DIAPH2: variants seen among roughly 807,000 people sequenced by gnomAD.
DIAPH2 encodes the protein protein diaphanous homolog 2.
A neutral mutation model predicts 92.7 loss-of-function variants in DIAPH2; 35 were observed. The ratio of observed to expected loss-of-function variants is 0.38; its 90% CI spans 0.29 to 0.50. The LOEUF (loss-of-function observed/expected upper bound fraction) is 0.50. Among genes scored for constraint, DIAPH2 ranks in the 20% least tolerant of loss-of-function variants. The pLI, the probability that DIAPH2 is intolerant of heterozygous loss-of-function variation, is 0.94. For synonymous variants in DIAPH2, 301 were observed against 280.4 expected (o/e 1.07, Z -0.73); for missense variants, 701 against 819.5 (o/e 0.86, Z 1.77).
At chrX:97,589,006 TATATATATATATATATATATAA>T (rs1383358386) in intron 26 of DIAPH2, among the ~76,000 whole-genome samples, 1 of 69,787 alleles carries the variant, frequency 1.4e-5, no homozygotes, top group African/African-American at 4.6e-5. Context: ...AATATATATA[TATATATATATATATATATATAA>T]AAGAATCAGA....
At chrX:96,720,118 T>C (rs991178806) in intron 1 of DIAPH2, among the ~76,000 whole-genome samples, 4 of 111,909 alleles carry the variant, frequency 3.6e-5, no homozygotes, top group African/African-American at 1.3e-4. Flanking sequence ...GCTTAATAGT[T>C]ATTTGGCAAT....
chrX:97,061,264 C>G, intron 17 of DIAPH2, among the ~76,000 whole-genome samples: 1 of 111,755 alleles, frequency 8.9e-6, no homozygotes, highest in Non-Finnish European at 1.9e-5. Flanking sequence ...TGCTCTAAGG[C>G]CCACAAGCTT....
At chrX:96,765,290 C>T (rs1363839009) in intron 4 of DIAPH2, among the ~76,000 whole-genome samples, 2 of 106,507 alleles carry the variant, frequency 1.9e-5, no homozygotes, top group South Asian at 4.3e-4. Context: ...CTTGATCTCC[C>T]GGGCTCAAGC....
chrX:97,597,327 T>C (rs925616714), intron 26 of DIAPH2, among the ~76,000 whole-genome samples: 1 of 112,491 alleles, frequency 8.9e-6, no homozygotes, highest in South Asian at 3.7e-4. Context: ...GTCAGTTTGT[T>C]TTGACCCGAA....
chrX:97,236,022 A>G (rs746428078), intron 22 of DIAPH2, among the ~76,000 whole-genome samples: 1 of 112,035 alleles, frequency 8.9e-6, no homozygotes, highest in South Asian at 3.7e-4. Flanking sequence ...TATCCTTTGA[A>G]GCATCTTTTG....
intron 1 of DIAPH2, among the ~76,000 whole-genome samples, chrX:96,730,550 C>G (rs2064047734): frequency 8.9e-6 from 1 of 111,803 alleles, no homozygotes; most frequent in Non-Finnish European, 1.9e-5. Flanking sequence ...CCAGAGAAAT[C>G]AAACCCTGAA....
At chrX:97,514,682 G>A (rs1411692301) in intron 26 of DIAPH2, among the ~76,000 whole-genome samples, 3 of 108,993 alleles carry the variant, frequency 2.8e-5, no homozygotes, top group African/African-American at 9.9e-5. Context: ...GTACAGATGG[G>A]TTTTTGGTGT....
intron 15 of DIAPH2, among the ~76,000 whole-genome samples, chrX:96,949,609 G>A (rs961313276): frequency 9.5e-6 from 1 of 105,429 alleles, no homozygotes; most frequent in Non-Finnish European, 1.9e-5. Flanking sequence ...TTTGGGAGGC[G>A]GAAGCGGGCA....
At chrX:96,907,489 A>C (rs1203818450) in intron 5 of DIAPH2, among the ~76,000 whole-genome samples, 1 of 112,256 alleles carries the variant, frequency 8.9e-6, no homozygotes, top group East Asian at 2.8e-4. Context: ...GTAATTTCTA[A>C]GGATGTGGTT....
intron 21 of DIAPH2, among the ~76,000 whole-genome samples, chrX:97,123,324 A>G (rs754787740): frequency 2.7e-5 from 3 of 112,002 alleles, no homozygotes; most frequent in African/African-American, 6.5e-5. Flanking sequence ...TTCAGTTTTT[A>G]TAGTTGTGTC....
intron 21 of DIAPH2, among the ~76,000 whole-genome samples, chrX:97,136,753 G>A (rs1340594023): frequency 1.8e-5 from 2 of 110,480 alleles, no homozygotes; most frequent in African/African-American, 3.3e-5. Flanking sequence ...TTTAATCATC[G>A]GGACTTAAAG....
chrX:96,993,489 G>A (rs1340597491), intron 17 of DIAPH2, among the ~76,000 whole-genome samples: 1 of 111,925 alleles, frequency 8.9e-6, no homozygotes, highest in African/African-American at 3.3e-5. Flanking sequence ...CACAGTGGAA[G>A]CAAGCATATC....
intron 4 of DIAPH2, among the ~76,000 whole-genome samples, chrX:96,801,938 G>C (rs2064585566): frequency 9.0e-6 from 1 of 111,403 alleles, no homozygotes; most frequent in African/African-American, 3.3e-5. Flanking sequence ...TAATATTACA[G>C]CTCAGTGAGT....
intron 20 of DIAPH2, among the ~76,000 whole-genome samples, chrX:97,100,321 T>G (rs2066897890): frequency 8.9e-6 from 1 of 111,893 alleles, no homozygotes; most frequent in Non-Finnish European, 1.9e-5. Context: ...AAGAAAATCT[T>G]ATACATCATG....
At chrX:97,288,511 A>G (rs932203041) in intron 23 of DIAPH2, among the ~76,000 whole-genome samples, 18 of 111,005 alleles carry the variant, frequency 1.6e-4, no homozygotes, top group South Asian at 3.9e-4. Flanking sequence ...TGGGAGGCCA[A>G]GGTGGGTGGA....
intron 4 of DIAPH2, among the ~76,000 whole-genome samples, chrX:96,866,139 G>A (rs1239366240): frequency 9.0e-6 from 1 of 111,389 alleles, no homozygotes. Context: ...GTGACTAGAC[G>A]TGCTTTTAGA....
chrX:97,292,959 A>G (rs1036114349), intron 23 of DIAPH2, among the ~76,000 whole-genome samples: 107 of 111,516 alleles, frequency 9.6e-4, no homozygotes, highest in African/African-American at 3.4e-3. Flanking sequence ...GAGCAATAGT[A>G]TAACAGACTT....
intron 23 of DIAPH2, among the ~76,000 whole-genome samples, chrX:97,273,623 G>A (rs765263810): frequency 8.9e-6 from 1 of 111,884 alleles, no homozygotes; most frequent in African/African-American, 3.2e-5. Context: ...AAACAGGTTT[G>A]GATACATTTA....
chrX:96,882,969 A>AAAAAAC (rs1168652970), intron 5 of DIAPH2, among the ~76,000 whole-genome samples: 68 of 77,032 alleles, frequency 8.8e-4, no homozygotes, highest in African/African-American at 2.5e-3. Flanking sequence ...CAAAAAAAAA[A>AAAAAAC]AAAAAAAAAA....
Sources: allele counts gnomAD v4.1 joint callset (sites outside exome capture counted in the v4.1 genomes callset), GRCh38; gene constraint gnomAD v4.1.1; transcripts MANE v1.5; gene names NCBI Gene and HGNC (gene_info 2026-07-23, HGNC 2026-07-21).